Variants in SORCS1 observed in about 807,000 individuals in gnomAD.
The protein encoded by SORCS1 is sortilin related VPS10 domain containing receptor 1.
A neutral mutation model predicts 146.1 loss-of-function variants in SORCS1; 60 were observed. The ratio of observed to expected loss-of-function variants is 0.41; its 90% CI spans 0.33 to 0.51. The LOEUF is 0.51. Among genes scored for constraint, SORCS1 ranks in the 20% least tolerant of loss-of-function variants. The pLI is 0.21. For missense variants in SORCS1, 1,352 were observed against 1,487.6 expected, an observed-to-expected ratio of 0.91 and a Z score of 1.50; for synonymous variants, 637 against 584.0, an observed-to-expected ratio of 1.09 and a Z score of -1.31.
chr10:106,707,578 C>T (rs1232749836), intron 7 of SORCS1, among the ~76,000 whole-genome samples: 2 of 152,148 alleles, frequency 1.3e-5, no homozygotes, highest in South Asian at 4.1e-4. Flanking sequence ...ATAGCTCATG[C>T]ACCCTTCAAC....
intron 2 of SORCS1, among the ~76,000 whole-genome samples, chr10:106,883,693 G>A (rs964980128): frequency 1.2e-4 from 18 of 152,326 alleles, no homozygotes; most frequent in Non-Finnish European, 2.4e-4. Flanking sequence ...GATTACAGGC[G>A]TGAGCCACCA....
intron 3 of SORCS1, among the ~76,000 whole-genome samples, chr10:106,806,576 C>T (rs1947196585): frequency 8.6e-6 from 1 of 115,788 alleles, no homozygotes; most frequent in Admixed American, 1.2e-4. Context: ...AGTGCAGTGG[C>T]ATGATCTCCG....
At chr10:106,647,742 C>CT in intron 18 of SORCS1, among the ~76,000 whole-genome samples, 1 of 152,142 alleles carries the variant, frequency 6.6e-6, no homozygotes, top group East Asian at 1.9e-4. Flanking sequence ...TGTGGTATGA[C>CT]TTTTTTCACA....
intron 2 of SORCS1, among the ~76,000 whole-genome samples, chr10:106,862,014 T>C (rs1235773343): frequency 1.3e-5 from 2 of 152,240 alleles, no homozygotes; most frequent in Non-Finnish European, 2.9e-5. Context: ...TGAGCTTTTG[T>C]TACCTTTAGT....
intron 1 of SORCS1, among the ~76,000 whole-genome samples, chr10:107,078,093 A>G (rs755627280): frequency 6.6e-6 from 1 of 152,176 alleles, no homozygotes; most frequent in Non-Finnish European, 1.5e-5. Flanking sequence ...GGAACACTAA[A>G]TATTAGTTTC....
chr10:107,086,284 G>A (rs1054472796), intron 1 of SORCS1, among the ~76,000 whole-genome samples: 1 of 152,148 alleles, frequency 6.6e-6, no homozygotes, highest in Non-Finnish European at 1.5e-5. Flanking sequence ...CTCAAAGCTT[G>A]GAAGTGAGCA....
chr10:107,070,061 A>G (rs947773010), intron 1 of SORCS1, among the ~76,000 whole-genome samples: 1 of 152,254 alleles, frequency 6.6e-6, no homozygotes, highest in Admixed American at 6.5e-5. Flanking sequence ...AATATTTCAT[A>G]TAAGTGGAAT....
chr10:106,854,539 CAT>C (rs778865735), intron 2 of SORCS1, among the ~76,000 whole-genome samples: 8 of 145,366 alleles, frequency 5.5e-5, no homozygotes, highest in East Asian at 2.7e-4. Flanking sequence ...TTATCTTTCA[CAT>C]GTTTTCTGTC....
At chr10:107,077,407 T>C (rs1962981133) in intron 1 of SORCS1, among the ~76,000 whole-genome samples, 1 of 152,028 alleles carries the variant, frequency 6.6e-6, no homozygotes, top group African/African-American at 2.4e-5. Context: ...TGCTACTACT[T>C]ACCTATCACC....
chr10:106,711,139 C>T (rs1194336539), intron 6 of SORCS1, among the ~76,000 whole-genome samples: 1 of 152,138 alleles, frequency 6.6e-6, no homozygotes, highest in African/African-American at 2.4e-5. Context: ...GTTGTGTCCA[C>T]CAGATCCTAA....
chr10:106,777,636 C>T (rs576334143), intron 3 of SORCS1, among the ~76,000 whole-genome samples: 20 of 152,346 alleles, frequency 1.3e-4, no homozygotes, highest in Admixed American at 1.2e-3. Flanking sequence ...TACACTGTCT[C>T]ATTGGGATGC....
intron 1 of SORCS1, among the ~76,000 whole-genome samples, chr10:106,982,529 G>A (rs1247302277): frequency 6.6e-6 from 1 of 152,110 alleles, no homozygotes; most frequent in Non-Finnish European, 1.5e-5. Context: ...GGAGTAGGGG[G>A]CACATGTCTT....
intron 6 of SORCS1, among the ~76,000 whole-genome samples, chr10:106,725,022 C>T (rs1856048116): frequency 6.6e-6 from 1 of 152,080 alleles, no homozygotes; most frequent in Admixed American, 6.6e-5. Context: ...TGCCTGTAAT[C>T]CTAGCTACTG....
chr10:106,896,506 A>C (rs887950640), intron 2 of SORCS1, among the ~76,000 whole-genome samples: 2 of 151,860 alleles, frequency 1.3e-5, no homozygotes, highest in Non-Finnish European at 2.9e-5. Flanking sequence ...AAAGACAGTT[A>C]CTTAATGGAT....
intron 1 of SORCS1, among the ~76,000 whole-genome samples, chr10:107,069,680 T>C (rs1962252751): frequency 6.6e-6 from 1 of 152,194 alleles, no homozygotes; most frequent in Non-Finnish European, 1.5e-5. Context: ...CTGGCCCATG[T>C]GCCTATTTTT....
chr10:107,025,471 T>C (rs1366454311), intron 1 of SORCS1, among the ~76,000 whole-genome samples: 1 of 152,192 alleles, frequency 6.6e-6, no homozygotes, highest in Non-Finnish European at 1.5e-5. Context: ...AAATAAACTA[T>C]CCTGGAAGCT....
chr10:106,797,663 T>A (rs190839390), intron 3 of SORCS1, among the ~76,000 whole-genome samples: 1 of 152,074 alleles, frequency 6.6e-6, no homozygotes, highest in African/African-American at 2.4e-5. Context: ...AAAACATCAA[T>A]CTGAATATTA....
upstream of SORCS1, among the ~76,000 whole-genome samples, chr10:107,166,269 A>C (rs1970048749): frequency 6.6e-6 from 1 of 152,244 alleles, no homozygotes; most frequent in South Asian, 2.1e-4. Context: ...CCAAGTTCAA[A>C]GTAATACAGA....
chr10:106,716,084 G>A (rs770958733), intron 6 of SORCS1, among the ~76,000 whole-genome samples: 1 of 151,994 alleles, frequency 6.6e-6, no homozygotes, highest in African/African-American at 2.4e-5. Flanking sequence ...TTTTGTTTGG[G>A]TTAAAGATTT....
Sources: allele counts gnomAD v4.1 joint callset (sites outside exome capture counted in the v4.1 genomes callset), GRCh38; gene constraint gnomAD v4.1.1; transcripts MANE v1.5; gene names NCBI Gene and HGNC (gene_info 2026-07-23, HGNC 2026-07-21).